The following MTSS1 variants were observed in gnomAD, a reference collection of about 807,000 sequenced individuals.
The protein encoded by MTSS1 is protein MTSS 1.
MTSS1 carries 18 observed loss-of-function variants against 79.0 expected under a neutral mutation model. That is an observed-to-expected ratio of 0.23 (90% CI 0.16 to 0.34). The LOEUF is 0.34. Among genes scored for constraint, MTSS1 ranks in the 10% least tolerant of loss-of-function variants. The probability of loss-of-function intolerance (pLI) is 1.00; values close to 1 mark genes in which losing one functional copy is unlikely to be tolerated. For synonymous variants in MTSS1, 341 were observed against 368.6 expected (o/e 0.93, Z 0.86); for missense variants, 815 against 986.2 (o/e 0.83, Z 2.33).
intron 3 of MTSS1, among the ~76,000 whole-genome samples, chr8:124,659,786 A>G (rs1821658106): frequency 6.6e-6 from 1 of 152,228 alleles, no homozygotes; most frequent in Admixed American, 6.5e-5. Context: ...CCTGGGTAAC[A>G]TGAAGATAGC....
intron 5 of MTSS1, among the ~76,000 whole-genome samples, chr8:124,588,730 G>T (rs1039030018): frequency 6.6e-6 from 1 of 152,126 alleles, no homozygotes; most frequent in Non-Finnish European, 1.5e-5. Flanking sequence ...GGAGGGTTAG[G>T]GGGAGGCAGT....
Position 124,562,917 on chromosome 8 carries a change from G to A in MTSS1, c.900C>T (p.Arg300=). The A allele has an allele frequency of 1.2e-6, 2 of 1,613,902 alleles. No homozygotes were observed. The highest frequency in any genetic ancestry group is 2.2e-5 in the East Asian group (1 of 44,872). The change falls in exon 10 of 14, where the codon CGC becomes CGT. Residue 300 remains arginine, a synonymous_variant. Coordinates refer to ENST00000518547, the MANE Select transcript of MTSS1 (RefSeq NM_014751.6). ...SHSHSPSSHY[R]YRSSNLAQQA... ...GCTGGGCCAGGTTGGAGCTGCGGTAGCGGTAATGTGAGCTGGGGGAATGCG... is the reference window on the plus strand; with the variant it reads ...GCTGGGCCAGGTTGGAGCTGCGGTAACGGTAATGTGAGCTGGGGGAATGCG...
At chr8:124,691,499 G>A (rs1339584281) in intron 3 of MTSS1, among the ~76,000 whole-genome samples, 1 of 152,090 alleles carries the variant, frequency 6.6e-6, no homozygotes, top group African/African-American at 2.4e-5. Context: ...CATATATACA[G>A]TTTAGATGGT....
chr8:124,680,982 C>CT (rs1448455142), intron 3 of MTSS1, among the ~76,000 whole-genome samples: 1 of 152,130 alleles, frequency 6.6e-6, no homozygotes, highest in East Asian at 1.9e-4. Context: ...CCTTAACCAC[C>CT]TTTAAGCAAG....
intron 3 of MTSS1, among the ~76,000 whole-genome samples, chr8:124,606,810 TG>T (rs111958546): frequency 5.8e-4 from 89 of 152,214 alleles, no homozygotes; most frequent in African/African-American, 1.8e-3. Context: ...GAGTTCAGGG[TG>T]GACATGTACT....
chr8:124,566,662 C>T (rs533338318), intron 8 of MTSS1, among the ~76,000 whole-genome samples: 1 of 152,288 alleles, frequency 6.6e-6, no homozygotes, highest in African/African-American at 2.4e-5. Context: ...ACACCAGCGA[C>T]GTGTTCTTAG....
At position 124,667,756 on chromosome 8, in the gene MTSS1, C is replaced by A. The variant is rs148654006; in HGVS notation, c.208+31770G>T. On this transcript the variant is annotated intron_variant, in intron 3 of 13. Transcript: ENST00000518547. ...AGCATCTGCAGTTGGCAAGGTCACA[C>A]AGCTACTGCACTCCGAGCTAAGATT... Among the ~76,000 whole-genome samples, 5 of 152,328 alleles carry A rather than the reference C, an allele frequency of 3.3e-5. No homozygotes were observed. In the East Asian group the frequency reaches 9.6e-4, roughly 29 times the overall value.
intron 9 of MTSS1, 66 bp from the exon 10 acceptor site, chr8:124,563,058 G>A: frequency 1.5e-6 from 2 of 1,315,206 alleles, no homozygotes; most frequent in Non-Finnish European, 1.1e-6. Context: ...AGTGGTAAGA[G>A]GAAGGAGGAA....
intron 1 of MTSS1, among the ~76,000 whole-genome samples, chr8:124,716,326 T>A (rs1401131170): frequency 1.3e-5 from 2 of 152,092 alleles, no homozygotes; most frequent in African/African-American, 4.8e-5. Flanking sequence ...AATTAGCAAA[T>A]GAAAGGAAGT....
At chr8:124,612,308 C>A (rs915553761) in intron 3 of MTSS1, among the ~76,000 whole-genome samples, 2 of 152,322 alleles carry the variant, frequency 1.3e-5, no homozygotes, top group South Asian at 4.1e-4. Context: ...GGGTCGTCCC[C>A]AGCTGTGGAA....
At chr8:124,584,567 G>A (rs1830530833) in intron 6 of MTSS1, among the ~76,000 whole-genome samples, 1 of 152,184 alleles carries the variant, frequency 6.6e-6, no homozygotes, top group African/African-American at 2.4e-5. Flanking sequence ...CATCTTGCCT[G>A]GTTGTGCTCA....
chr8:124,692,358 T>C lies in MTSS1; in HGVS notation c.208+7168A>G, dbSNP rs188605609. ...CATATGTGCCCCCATAACATGTGGA[T>C]GCATCAATCTTTTTAAAAAGAAAAA... is the stretch of plus-strand genomic sequence containing the variant. On this transcript the variant is annotated intron_variant, in intron 3 of 13. Coordinates refer to ENST00000518547, the MANE Select transcript of MTSS1 (RefSeq NM_014751.6). Among the ~76,000 whole-genome samples the C allele has an allele frequency of 3.5e-4, 52 of 148,234 alleles. 1 individual carries two copies. In the East Asian group the frequency reaches 7.8e-3, roughly 22 times the overall value.
intron 1 of MTSS1, among the ~76,000 whole-genome samples, chr8:124,705,824 G>C (rs972417087): frequency 2.0e-5 from 3 of 152,132 alleles, no homozygotes; most frequent in African/African-American, 7.2e-5. Context: ...TGTCGTGGGG[G>C]GCTGTCCTGC....
chr8:124,568,056 C>A, intron 7 of MTSS1: 1 of 983,294 alleles, frequency 1.0e-6, no homozygotes, highest in Non-Finnish European at 1.4e-6. Flanking sequence ...CTTGGTGGGT[C>A]TGGGTTGGGC....
intron 3 of MTSS1, among the ~76,000 whole-genome samples, chr8:124,636,246 C>T (rs1283584374): frequency 2.0e-5 from 3 of 152,212 alleles, no homozygotes; most frequent in Admixed American, 2.0e-4. Context: ...TCTCCTGCCT[C>T]AGCCTCTGGA....
chr8:124,640,533 T>C (rs1817835750), intron 3 of MTSS1, among the ~76,000 whole-genome samples: 1 of 152,102 alleles, frequency 6.6e-6, no homozygotes, highest in African/African-American at 2.4e-5. Context: ...AGAAAATCCT[T>C]CTAGATTTTT....
At chr8:124,719,203 G>A (rs932567225) in intron 1 of MTSS1, among the ~76,000 whole-genome samples, 8 of 152,152 alleles carry the variant, frequency 5.3e-5, no homozygotes, top group Non-Finnish European at 1.2e-4. Flanking sequence ...TGGCTTAACC[G>A]CGCAGCACCT....
chr8:124,651,498 A>G (rs960504436), intron 3 of MTSS1, among the ~76,000 whole-genome samples: 3 of 152,136 alleles, frequency 2.0e-5, no homozygotes, highest in Admixed American at 2.0e-4. Context: ...TACAGTTAGA[A>G]ACATGTTACA....
At chr8:124,670,927 G>T (rs553801802) in intron 3 of MTSS1, among the ~76,000 whole-genome samples, 1 of 152,234 alleles carries the variant, frequency 6.6e-6, no homozygotes, top group South Asian at 2.1e-4. Context: ...TCAACCAAAA[G>T]AAAACACAGC....
Sources: gnomAD v4.1 joint callset for allele counts (sites outside exome capture counted in the v4.1 genomes callset) on GRCh38, gnomAD v4.1.1 for gene constraint, MANE v1.5 for transcripts, NCBI Gene and HGNC (gene_info 2026-07-23, HGNC 2026-07-21) for gene names.